The following CPT1A variants were observed in gnomAD, a reference collection of about 807,000 sequenced individuals.
The protein encoded by CPT1A is carnitine palmitoyltransferase 1A, also known as carnitine O-palmitoyltransferase 1, liver isoform.
CPT1A carries 64 observed loss-of-function variants against 100.8 expected under a neutral mutation model. That is an observed-to-expected ratio of 0.63 (90% CI 0.52 to 0.78). CPT1A has a LOEUF of 0.78. Ranked by LOEUF, CPT1A falls within the 30% of genes least tolerant of loss-of-function variation. The probability of loss-of-function intolerance (pLI) is 0.00; values close to 1 mark genes in which losing one functional copy is unlikely to be tolerated. For missense variants in CPT1A, 802 were observed against 1,034.1 expected, an observed-to-expected ratio of 0.78 and a Z score of 3.08; for synonymous variants, 363 against 396.0, an observed-to-expected ratio of 0.92 and a Z score of 0.99.
At chr11:68,833,040 G>T in intron 1 of CPT1A, among the ~76,000 whole-genome samples, 1 of 152,200 alleles carries the variant, frequency 6.6e-6, no homozygotes, top group East Asian at 1.9e-4. Context: ...CAATGCCTGG[G>T]AAGATTCTGC....
intron 5 of CPT1A, among the ~76,000 whole-genome samples, 173 bp from the exon 6 acceptor site, chr11:68,799,528 T>C (rs959231432): frequency 6.6e-6 from 1 of 152,114 alleles, no homozygotes; most frequent in Admixed American, 6.6e-5. Flanking sequence ...GCCAGTGGAT[T>C]GCTTGAGCTC....
At chr11:68,762,127 T>A (rs1035972891) in intron 15 of CPT1A, among the ~76,000 whole-genome samples, 1 of 152,166 alleles carries the variant, frequency 6.6e-6, no homozygotes, top group Non-Finnish European at 1.5e-5. Context: ...TGTTTCTTTA[T>A]CTATGGAAAT....
Position 68,784,942 on chromosome 11 carries a change from A to C in CPT1A, c.1036T>G (p.Trp346Gly), listed in dbSNP as rs779147083. The C allele has an allele frequency of 6.2e-7, 1 of 1,614,134 alleles. No homozygotes were observed. The highest frequency in any genetic ancestry group is 2.2e-5 in the East Asian group (1 of 44,872). ...AGCAGCCGCCCATCATGGTAGAGCCAGACCTTGAAGTAGCGTCCTCGATGG... is the reference window on the plus strand; with the variant it reads ...AGCAGCCGCCCATCATGGTAGAGCCCGACCTTGAAGTAGCGTCCTCGATGG... Reference protein sequence around the residue: ...VYHRGRYFKVWLYHDGRLLKP... With the variant: ...VYHRGRYFKVGLYHDGRLLKP... The change falls in exon 10 of 19, where the codon TGG becomes GGG. Residue 346 changes from tryptophan to glycine, a missense_variant. Coordinates refer to ENST00000265641, the MANE Select transcript of CPT1A (RefSeq NM_001876.4).
chr11:68,834,208 G>A (rs1480798336), intron 1 of CPT1A, among the ~76,000 whole-genome samples: 3 of 152,072 alleles, frequency 2.0e-5, no homozygotes, highest in Non-Finnish European at 4.4e-5. Context: ...AGGCTGAGGC[G>A]TGTGGATCAC....
chr11:68,773,222 C>A (rs1855041673), intron 14 of CPT1A, 43 bp downstream of exon 14: 1 of 1,611,468 alleles, frequency 6.2e-7, no homozygotes, highest in South Asian at 1.1e-5. Context: ...GTGTAGGAAC[C>A]CCCAAAGTGC....
At chr11:68,802,050 A>G (rs1193225724) in intron 5 of CPT1A, among the ~76,000 whole-genome samples, 1 of 152,176 alleles carries the variant, frequency 6.6e-6, no homozygotes, top group Admixed American at 6.5e-5. Context: ...CATTTATGCG[A>G]AATGTCCAGA....
rs1363762969 is a variant in CPT1A, at chr11:68,773,250, G to A, written c.1740+15C>T. On this transcript the variant is annotated intron_variant, in intron 14 of 18. Coordinates refer to ENST00000265641, the MANE Select transcript of CPT1A (RefSeq NM_001876.4). ...CAAAGTGCTCACGACAAAACCCTAG[G>A]CGGTCAGTTCTTACCTTGTAGTGCG... 1 of 1,613,634 alleles carries A rather than the reference G, an allele frequency of 6.2e-7. No homozygotes were observed. Among genetic ancestry groups the A allele is most frequent in the Non-Finnish European group, 8.5e-7 (1 of 1,180,000 alleles).
intron 14 of CPT1A, among the ~76,000 whole-genome samples, chr11:68,764,125 G>GC (rs778883200): frequency 1.3e-5 from 2 of 152,220 alleles, no homozygotes; most frequent in Non-Finnish European, 2.9e-5. Flanking sequence ...CCCCTGCTGG[G>GC]AATAGCAGAT....
chr11:68,761,733 T>A lies in CPT1A; in HGVS notation c.1876-46A>T, dbSNP rs758719948. 3 of 1,610,832 alleles carry A rather than the reference T, an allele frequency of 1.9e-6. No individual in the cohort carries two copies. The Admixed American group carries it at 5.0e-5, about 27-fold the overall frequency. On this transcript the variant is annotated intron_variant, in intron 15 of 18. Transcript: ENST00000265641. Reference sequence around the variant, plus strand: ...AGGACATATGTTGCATGTCTCAAGTTGAGCAGTTACGGATCTAAGTTAGCC... The same window carrying A: ...AGGACATATGTTGCATGTCTCAAGTAGAGCAGTTACGGATCTAAGTTAGCC...
rs186105463 is a variant in CPT1A at position 68,810,936 on chromosome 11, G to A, written c.281+1501C>T. 3.1e-3 allele frequency among the ~76,000 whole-genome samples: 472 copies of A among 152,170 alleles called. 3 individuals are homozygous for A. Among genetic ancestry groups the A allele is most frequent in the African/African-American group, 0.011 (459 of 41,514 alleles). ...GGAGGCGGAGGTTGCAGTGAGCCGA[G>A]ATCGCACCATCGCACTCCAGCCTGG... On this transcript the variant is annotated intron_variant, in intron 3 of 18. Transcript: ENST00000265641.
chr11:68,801,995 G>A (rs1427798606), intron 5 of CPT1A, among the ~76,000 whole-genome samples: 2 of 152,210 alleles, frequency 1.3e-5, no homozygotes, highest in South Asian at 2.1e-4. Flanking sequence ...CCTACAACAC[G>A]GGTGAACTCT....
chr11:68,761,510 G>T, intron 16 of CPT1A, 25 bp downstream of exon 16: 1 of 1,612,338 alleles, frequency 6.2e-7, no homozygotes. Flanking sequence ...CAATACAACT[G>T]ACGGAAGAAG....
At chr11:68,835,370 G>A (rs1023197358) in intron 1 of CPT1A, among the ~76,000 whole-genome samples, 19 of 152,192 alleles carry the variant, frequency 1.2e-4, no homozygotes, top group Non-Finnish European at 2.2e-4. Context: ...AAGACAACAG[G>A]AGCGGTGTCC....
chr11:68,829,060 C>G (rs1313577005), intron 1 of CPT1A, among the ~76,000 whole-genome samples: 1 of 152,170 alleles, frequency 6.6e-6, no homozygotes, highest in Non-Finnish European at 1.5e-5. Flanking sequence ...ATGAATCTCA[C>G]CACCTGTCCA....
intron 8 of CPT1A, among the ~76,000 whole-genome samples, 167 bp from the exon 9 acceptor site, chr11:68,793,569 C>T (rs1855677624): frequency 6.6e-6 from 1 of 151,950 alleles, no homozygotes; most frequent in African/African-American, 2.4e-5. Context: ...CACAGTGAAA[C>T]CCCGTCTCTA....
At chr11:68,788,977 G>A (rs888083091) in intron 9 of CPT1A, among the ~76,000 whole-genome samples, 9 of 152,098 alleles carry the variant, frequency 5.9e-5, no homozygotes, top group African/African-American at 2.2e-4. Context: ...AATGCATGCA[G>A]GGGAGAAACA....
At chr11:68,787,431 CAAA>C (rs773513607) in intron 9 of CPT1A, among the ~76,000 whole-genome samples, 8 of 106,730 alleles carry the variant, frequency 7.5e-5, no homozygotes, top group Admixed American at 1.0e-4. Flanking sequence ...GACTCTGTCT[CAAA>C]AAAAAAAAAA....
At chr11:68,772,149 C>T (rs1347563109) in intron 14 of CPT1A, among the ~76,000 whole-genome samples, 2 of 152,132 alleles carry the variant, frequency 1.3e-5, no homozygotes, top group Admixed American at 6.5e-5. Flanking sequence ...GCCAGGAGCT[C>T]GAGACCAGCC....
At chr11:68,828,223 C>A (rs1856782632) in intron 1 of CPT1A, among the ~76,000 whole-genome samples, 1 of 152,170 alleles carries the variant, frequency 6.6e-6, no homozygotes, top group African/African-American at 2.4e-5. Flanking sequence ...CTGTGTCTCC[C>A]AAGTCAGCTT....
Sources: gnomAD v4.1 joint callset for allele counts (sites outside exome capture counted in the v4.1 genomes callset) on GRCh38, gnomAD v4.1.1 for gene constraint, MANE v1.5 for transcripts, NCBI Gene and HGNC (gene_info 2026-07-23, HGNC 2026-07-21) for gene names.